The following ZNF705A variants were observed in gnomAD, a reference collection of about 807,000 sequenced individuals.
ZNF705A encodes zinc finger protein 705A.
A neutral mutation model predicts 16.6 loss-of-function variants in ZNF705A; 8 were observed. The ratio of observed to expected loss-of-function variants is 0.48; its 90% CI spans 0.28 to 0.87. The LOEUF is 0.87. Among genes scored for constraint, ZNF705A ranks in the 40% least tolerant of loss-of-function variants. The pLI, the probability that ZNF705A is intolerant of heterozygous loss-of-function variation, is 0.10. For missense variants in ZNF705A, 233 were observed against 359.9 expected (o/e 0.65, Z 2.85); for synonymous variants, 73 against 117.3 (o/e 0.62, Z 2.44).
At chr12:8,160,428 AC>A (rs1392332514) in intron 1 of ZNF705A, among the ~76,000 whole-genome samples, 3 of 152,118 alleles carry the variant, frequency 2.0e-5, no homozygotes, top group African/African-American at 7.2e-5. Flanking sequence ...GGTCATTTTG[AC>A]AATATTGATT....
chr12:8,163,516 T>C (rs1228391707), intron 1 of ZNF705A, among the ~76,000 whole-genome samples: 2 of 152,214 alleles, frequency 1.3e-5, no homozygotes, highest in Non-Finnish European at 2.9e-5. Flanking sequence ...ATTGTCATCA[T>C]AATCAGCCTC....
intron 4 of ZNF705A, 127 bp downstream of exon 5, chr12:8,176,069 A>AT (rs1210962477): frequency 6.3e-6 from 9 of 1,437,172 alleles, no homozygotes; most frequent in Non-Finnish European, 8.6e-6. Flanking sequence ...GCAAAAAAAA[A>AT]TTGAATACTT....
At chr12:8,170,193 C>CG (rs1948434430), upstream of ZNF705A, among the ~76,000 whole-genome samples, 2 of 114,280 alleles carry the variant, frequency 1.8e-5, no homozygotes, top group African/African-American at 1.1e-4. Flanking sequence ...CTCCCCCCCC[C>CG]CCCAAAAAAA....
chr12:8,166,909 G>A (rs1189737178), intron 1 of ZNF705A, among the ~76,000 whole-genome samples: 2 of 152,194 alleles, frequency 1.3e-5, no homozygotes, highest in Middle Eastern at 3.2e-3. Flanking sequence ...TCTCTGAAAT[G>A]TCTTTGAGGC....
intron 1 of ZNF705A, among the ~76,000 whole-genome samples, chr12:8,161,264 C>CT (rs1229493383): frequency 6.6e-6 from 1 of 151,924 alleles, no homozygotes; most frequent in South Asian, 2.1e-4. Context: ...CTGTAGTTTT[C>CT]TTTTTTGGTT....
chr12:8,174,364 C>G, exon 2 of ZNF705A: 8 of 1,596,792 alleles, frequency 5.0e-6, no homozygotes, highest in South Asian at 1.1e-5. Flanking sequence ...TTGACTTCAC[C>G]CAGGAAGAGT....
intron 1 of ZNF705A, among the ~76,000 whole-genome samples, chr12:8,159,632 T>G (rs1948337056): frequency 6.6e-6 from 1 of 151,110 alleles, no homozygotes; most frequent in Non-Finnish European, 1.5e-5. Flanking sequence ...TCTATTCATG[T>G]CTTTAGCCCA....
intron 3 of ZNF705A, 25 bp from the exon 5 acceptor site, chr12:8,175,835 A>G (rs758060992): frequency 4.3e-6 from 7 of 1,611,164 alleles, no homozygotes; most frequent in Non-Finnish European, 5.1e-6. Context: ...TACCAATGTA[A>G]CAATTTATTT....
In ZNF705A at chr12:8,177,655, T is replaced by G. The variant is rs1948497468; in HGVS notation, c.*72T>G. 1.9e-6 allele frequency: 3 copies of G among 1,576,176 alleles called. No homozygotes were observed. In the Admixed American group the frequency reaches 5.8e-5, roughly 31 times the overall value. ...GTGGGAAAGCCTTCAGTCAATGTAC[T>G]AGTCTTAAATAGCATCAGAAAATTC... On this transcript the variant is annotated 3_prime_UTR_variant, in exon 5 of 5. Coordinates refer to ENST00000359286, the Ensembl canonical transcript of ZNF705A.
chr12:8,177,293 T>G, exon 5 of ZNF705A: 1 of 1,611,834 alleles, frequency 6.2e-7, no homozygotes, highest in Non-Finnish European at 8.5e-7. Flanking sequence ...ATGTCATCTA[T>G]GTGGAAAAGC....
chr12:8,171,727 C>A (rs1361393708), upstream of ZNF705A, among the ~76,000 whole-genome samples: 1 of 133,664 alleles, frequency 7.5e-6, no homozygotes, highest in South Asian at 2.3e-4. Context: ...GGATTGATTA[C>A]CCCCATCCTA....
exon 5 of ZNF705A, chr12:8,179,631 A>G (rs1192394759): frequency 6.6e-6 from 1 of 152,208 alleles, no homozygotes; most frequent in Non-Finnish European, 1.5e-5. Context: ...AAATCTCCAC[A>G]AGTGATTGAT....
At chr12:8,179,768 A>C (rs925533185) in exon 5 of ZNF705A, 1 of 152,146 alleles carries the variant, frequency 6.6e-6, no homozygotes, top group Non-Finnish European at 1.5e-5. Context: ...TTATTGTTTA[A>C]TCTATTTAAT....
rs778887098 is a variant in ZNF705A, at chr12:8,177,162, C to G, written c.482C>G (p.Pro161Arg). ...CTTCGTAATCTTTTCTCCCCTAAAC[C>G]ACATAAACAAATTCATACTAAAGGT... Residue 161 changes from proline (P) to arginine (R), a missense_variant, in exon 5 of 5, where the codon CCA (proline) becomes CGA (arginine). Physicochemically the swap from Pro to Arg is moderately radical, Grantham distance 103. Coordinates refer to ENST00000359286, the Ensembl canonical transcript of ZNF705A. 63 of 1,611,924 alleles carry G rather than the reference C, an allele frequency of 3.9e-5. 1 individual carries two copies. The South Asian group carries it at 5.4e-4, about 14-fold the overall frequency.
At chr12:8,159,961 T>C (rs1422984449) in intron 1 of ZNF705A, among the ~76,000 whole-genome samples, 1 of 152,166 alleles carries the variant, frequency 6.6e-6, no homozygotes. Context: ...TTTCAGGTCT[T>C]AGGTTTAAGT....
At chr12:8,169,720 G>C (rs1948429247), upstream of ZNF705A, among the ~76,000 whole-genome samples, 1 of 152,230 alleles carries the variant, frequency 6.6e-6, no homozygotes, top group African/African-American at 2.4e-5. Context: ...GGAGAACATG[G>C]TTTTGTTGTC....
exon 5 of ZNF705A, chr12:8,177,533 G>A (rs1394703105): frequency 7.4e-6 from 12 of 1,612,304 alleles, no homozygotes; most frequent in Non-Finnish European, 1.0e-5. Flanking sequence ...GAAACCACAT[G>A]CTTGTCTTCT....
At chr12:8,169,893 T>C (rs1214026032), upstream of ZNF705A, among the ~76,000 whole-genome samples, 1 of 152,132 alleles carries the variant, frequency 6.6e-6, no homozygotes, top group Non-Finnish European at 1.5e-5. Flanking sequence ...TCCTCATGAC[T>C]TTTTAACAGA....
At chr12:8,167,278 A>G (rs777900322) in intron 1 of ZNF705A, among the ~76,000 whole-genome samples, 1 of 152,322 alleles carries the variant, frequency 6.6e-6, no homozygotes, top group East Asian at 1.9e-4. Flanking sequence ...AAAGGAATTA[A>G]TCTTCACATT....
Sources: allele counts gnomAD v4.1 joint callset (sites outside exome capture counted in the v4.1 genomes callset), GRCh38; gene constraint gnomAD v4.1.1; transcripts MANE v1.5; gene names NCBI Gene and HGNC (gene_info 2026-07-23, HGNC 2026-07-21).